TMEM132B: variants seen among roughly 807,000 people sequenced by gnomAD.
TMEM132B encodes the protein transmembrane protein 132B.
A neutral mutation model predicts 90.8 loss-of-function variants in TMEM132B; 18 were observed. That is an observed-to-expected ratio of 0.20 (90% CI 0.14 to 0.29). TMEM132B has a LOEUF of 0.29. Among genes scored for constraint, TMEM132B ranks in the 10% least tolerant of loss-of-function variants. The pLI is 1.00. For missense variants in TMEM132B, 1,096 were observed against 1,326.8 expected (o/e 0.83, Z 2.70); for synonymous variants, 504 against 523.3 (o/e 0.96, Z 0.50).
intron 1 of TMEM132B, among the ~76,000 whole-genome samples, chr12:125,243,112 T>TACATATACATATATATATACAC (rs1874124032): frequency 5.1e-5 from 1 of 19,682 alleles, no homozygotes; most frequent in African/African-American, 1.3e-4. Flanking sequence ...TATATACACA[T>TACATATACATATATATATACAC]ATATATATAT....
intron 3 of TMEM132B, among the ~76,000 whole-genome samples, chr12:125,517,736 C>A (rs982670837): frequency 6.6e-6 from 1 of 152,058 alleles, no homozygotes; most frequent in South Asian, 2.1e-4. Flanking sequence ...CCCCATAATT[C>A]TACTGAAAGT....
chr12:125,480,908 AC>A (rs200713964), intron 3 of TMEM132B, among the ~76,000 whole-genome samples: 5,873 of 152,340 alleles, frequency 0.039, 178 homozygotes, highest in Admixed American at 0.1. Context: ...AAGCTTATCC[AC>A]CAAGATCAAG....
chr12:125,337,744 C>T (rs754658949), intron 1 of TMEM132B, among the ~76,000 whole-genome samples: 2 of 152,170 alleles, frequency 1.3e-5, no homozygotes, highest in Non-Finnish European at 2.9e-5. Context: ...GCTATTTTCC[C>T]CTGTTTGGCT....
chr12:125,304,933 C>T (rs1352717308), intron 1 of TMEM132B, among the ~76,000 whole-genome samples: 1 of 152,118 alleles, frequency 6.6e-6, no homozygotes, highest in East Asian at 1.9e-4. Flanking sequence ...GAGCTTTTTC[C>T]TGAGTGTTGG....
intron 5 of TMEM132B, chr12:125,584,200 C>T (rs1025246201): frequency 4.7e-6 from 3 of 639,360 alleles, no homozygotes; most frequent in African/African-American, 3.7e-5. Context: ...CTTCCCTCTC[C>T]CTGGAAAGGG....
intron 2 of TMEM132B, among the ~76,000 whole-genome samples, chr12:125,414,210 A>G (rs1403729428): frequency 1.3e-5 from 2 of 152,204 alleles, no homozygotes; most frequent in East Asian, 3.8e-4. Flanking sequence ...TTGATTTTGT[A>G]GGAATACTTT....
Position 125,445,090 on chromosome 12 carries a change from A to G in TMEM132B, c.1106+29413A>G, listed in dbSNP as rs1219123433. Reference sequence around the variant, plus strand: ...CTCAGAGTATGGGTCTAAGGACATTAACATTTTTGCTTATTTGATAAGTGT... The same window carrying G: ...CTCAGAGTATGGGTCTAAGGACATTGACATTTTTGCTTATTTGATAAGTGT... On this transcript the variant is annotated intron_variant, in intron 3 of 8. Transcript: ENST00000682704. The surrounding 1 kb of genome is among the most constrained non-coding windows in gnomAD (Gnocchi z 4.3). Among the ~76,000 whole-genome samples, 1 of 152,220 alleles carries G rather than the reference A, an allele frequency of 6.6e-6. No homozygotes were observed. Among genetic ancestry groups the G allele is most frequent in the Non-Finnish European group, 1.5e-5 (1 of 68,036 alleles).
At chr12:125,322,401 C>T (rs1876453620) in intron 1 of TMEM132B, among the ~76,000 whole-genome samples, 2 of 152,194 alleles carry the variant, frequency 1.3e-5, no homozygotes, top group African/African-American at 4.8e-5. Flanking sequence ...TCAGATATGT[C>T]TTTATTAGTA....
At chr12:125,642,050 A>C (rs768074647) in intron 5 of TMEM132B, among the ~76,000 whole-genome samples, 6 of 152,176 alleles carry the variant, frequency 3.9e-5, no homozygotes, top group Admixed American at 6.5e-5. Flanking sequence ...GGTAGTCTGC[A>C]TGCCACAGGC....
At chr12:125,551,870 A>C (rs78239551) in intron 4 of TMEM132B, among the ~76,000 whole-genome samples, 1 of 152,108 alleles carries the variant, frequency 6.6e-6, no homozygotes, top group Non-Finnish European at 1.5e-5. Context: ...CATTGTTTTC[A>C]TGGTCCTGGT....
chr12:125,558,019 G>C (rs183771601), intron 4 of TMEM132B, among the ~76,000 whole-genome samples: 1 of 152,350 alleles, frequency 6.6e-6, no homozygotes, highest in Admixed American at 6.5e-5. Flanking sequence ...AGATAACCAG[G>C]ACTGTTCATG....
intron 1 of TMEM132B, among the ~76,000 whole-genome samples, chr12:125,330,028 C>T (rs1324444192): frequency 2.0e-5 from 3 of 152,224 alleles, no homozygotes; most frequent in Admixed American, 6.5e-5. Flanking sequence ...GCCATTGTTC[C>T]GTGGCCGACG....
At chr12:125,582,016 A>G (rs540796786) in intron 4 of TMEM132B, among the ~76,000 whole-genome samples, 2 of 152,186 alleles carry the variant, frequency 1.3e-5, no homozygotes, top group African/African-American at 4.8e-5. Flanking sequence ...GGACACATGT[A>G]AAAAACAAAC....
intron 4 of TMEM132B, among the ~76,000 whole-genome samples, chr12:125,526,762 G>T (rs1337599405): frequency 2.2e-5 from 3 of 137,108 alleles, no homozygotes; most frequent in Non-Finnish European, 3.0e-5. Flanking sequence ...ACACCAGGGT[G>T]GGGGCTGAGG....
At position 125,456,506 on chromosome 12, in the gene TMEM132B, G is replaced by A. The variant is rs191081377; in HGVS notation, c.1106+40829G>A. ...CCTGCTTCTGGGAGCCGGGATCTAG[G>A]GGGCTCATCCTGCCTCCACCCTCTG... is the stretch of plus-strand genomic sequence containing the variant. On this transcript the variant is annotated intron_variant, in intron 3 of 8. Coordinates refer to ENST00000682704, the MANE Select transcript of TMEM132B (RefSeq NM_001366854.1). 4.2e-3 allele frequency among the ~76,000 whole-genome samples: 633 copies of A among 152,360 alleles called. 4 individuals are homozygous for A. The highest frequency in any genetic ancestry group is 0.015 in the African/African-American group (606 of 41,590).
At chr12:125,398,920 G>A (rs765617938) in intron 2 of TMEM132B, among the ~76,000 whole-genome samples, 4 of 152,178 alleles carry the variant, frequency 2.6e-5, no homozygotes, top group African/African-American at 7.2e-5. Context: ...AACTGGTGAA[G>A]AATCTGCTTC....
intron 5 of TMEM132B, among the ~76,000 whole-genome samples, chr12:125,610,268 A>G (rs1348016753): frequency 6.6e-6 from 1 of 152,046 alleles, no homozygotes; most frequent in Non-Finnish European, 1.5e-5. Context: ...CTTCCTGTAC[A>G]ATGTTGAATA....
At chr12:125,374,656 G>A (rs938453013) in intron 2 of TMEM132B, among the ~76,000 whole-genome samples, 3 of 140,664 alleles carry the variant, frequency 2.1e-5, no homozygotes, top group Admixed American at 7.0e-5. Context: ...GCCCCGCCCC[G>A]GCTTCTCTAT....
intron 4 of TMEM132B, among the ~76,000 whole-genome samples, chr12:125,552,231 G>A (rs1182824539): frequency 2.6e-5 from 4 of 152,238 alleles, no homozygotes; most frequent in African/African-American, 4.8e-5. Context: ...TAAGGAAAAC[G>A]TTGAATAGCT....
Sources: gnomAD v4.1 joint callset for allele counts (sites outside exome capture counted in the v4.1 genomes callset) on GRCh38, gnomAD v4.1.1 for gene constraint, Gnocchi (gnomAD v3.1) non-coding constraint, MANE v1.5 for transcripts, NCBI Gene and HGNC (gene_info 2026-07-23, HGNC 2026-07-21) for gene names.